The following CDK14 variants were observed in gnomAD, a reference collection of about 807,000 sequenced individuals.
The protein encoded by CDK14 is cyclin-dependent kinase 14.
In CDK14, 34 loss-of-function variants were observed where a neutral mutation model predicts 60.7. That is an observed-to-expected ratio of 0.56 (90% CI 0.43 to 0.75). CDK14 has a LOEUF of 0.75. CDK14 is among the 30% of genes least tolerant of loss of function. The probability of loss-of-function intolerance (pLI) is 0.00; values close to 1 mark genes in which losing one functional copy is unlikely to be tolerated. For missense variants in CDK14, 482 were observed against 564.1 expected, an observed-to-expected ratio of 0.85 and a Z score of 1.47; for synonymous variants, 197 against 203.7, an observed-to-expected ratio of 0.97 and a Z score of 0.28.
chr7:90,727,810 G>T (rs1022976340), intron 3 of CDK14, among the ~76,000 whole-genome samples: 3 of 151,970 alleles, frequency 2.0e-5, no homozygotes, highest in Non-Finnish European at 2.9e-5. Context: ...AATATAGATT[G>T]GTTAACCTCT....
intron 5 of CDK14, among the ~76,000 whole-genome samples, chr7:90,815,108 T>G (rs1789296564): frequency 6.6e-6 from 1 of 152,222 alleles, no homozygotes; most frequent in Non-Finnish European, 1.5e-5. Context: ...ACATTGTACT[T>G]TATGATACAG....
intron 6 of CDK14, among the ~76,000 whole-genome samples, chr7:90,896,106 A>G (rs988185506): frequency 1.3e-5 from 2 of 149,754 alleles, no homozygotes; most frequent in Non-Finnish European, 3.0e-5. Flanking sequence ...CTCTAGCTTT[A>G]CTTTATTGGT....
chr7:90,690,829 A>G (rs1801537550), intron 2 of CDK14, among the ~76,000 whole-genome samples: 1 of 152,186 alleles, frequency 6.6e-6, no homozygotes. Context: ...TTTTTGTATC[A>G]TGATATGTAA....
intron 2 of CDK14, among the ~76,000 whole-genome samples, chr7:90,701,453 A>C (rs937350558): frequency 6.6e-6 from 1 of 152,150 alleles, no homozygotes; most frequent in Non-Finnish European, 1.5e-5. Context: ...ATTTAGTACA[A>C]ATTTTTATAT....
intron 6 of CDK14, among the ~76,000 whole-genome samples, chr7:90,882,512 C>T (rs1374266990): frequency 6.6e-6 from 1 of 152,132 alleles, no homozygotes; most frequent in African/African-American, 2.4e-5. Flanking sequence ...CTTTAACACC[C>T]ATTGTCAATA....
chr7:90,719,569 A>G (rs533400362), intron 2 of CDK14, among the ~76,000 whole-genome samples: 2 of 152,296 alleles, frequency 1.3e-5, no homozygotes, highest in East Asian at 3.9e-4. Flanking sequence ...AATTTCTAAC[A>G]ATTTTTACTC....
At chr7:90,732,576 T>A (rs866077434) in intron 3 of CDK14, among the ~76,000 whole-genome samples, 1 of 152,222 alleles carries the variant, frequency 6.6e-6, no homozygotes, top group Non-Finnish European at 1.5e-5. Flanking sequence ...TAGGAGGGTG[T>A]ATGTGTCCAG....
rs567109268 is a variant in CDK14, at chr7:90,735,978, G to A, written c.369+9166G>A. 1.7e-4 allele frequency among the ~76,000 whole-genome samples: 26 copies of A among 152,332 alleles called. No individual in the cohort carries two copies. The South Asian group carries it at 5.2e-3, about 30-fold the overall frequency. ...CCTAGGCACCGGCGGGAATCTCCTGGTCTTCCGGTTGCAAACACTGTGGTA... is the reference window on the plus strand; with the variant it reads ...CCTAGGCACCGGCGGGAATCTCCTGATCTTCCGGTTGCAAACACTGTGGTA... On this transcript the variant is annotated intron_variant, in intron 3 of 14. Transcript: ENST00000380050.
At chr7:91,172,879 T>C (rs1435362870) in intron 14 of CDK14, among the ~76,000 whole-genome samples, 1 of 152,236 alleles carries the variant, frequency 6.6e-6, no homozygotes, top group African/African-American at 2.4e-5. Flanking sequence ...ATTAATTATA[T>C]GTCTCCCCCA....
At chr7:90,986,103 A>G (rs1298398983) in intron 10 of CDK14, among the ~76,000 whole-genome samples, 1 of 152,054 alleles carries the variant, frequency 6.6e-6, no homozygotes, top group Non-Finnish European at 1.5e-5. Flanking sequence ...TTCTTTTGGA[A>G]CCAGCTATTT....
chr7:90,761,412 C>T (rs1226587361), intron 4 of CDK14, among the ~76,000 whole-genome samples: 1 of 151,690 alleles, frequency 6.6e-6, no homozygotes. Context: ...ACTCCTAAAA[C>T]CCCTCTCCCA....
intron 11 of CDK14, among the ~76,000 whole-genome samples, chr7:91,057,814 T>C (rs1303167699): frequency 2.0e-5 from 3 of 152,204 alleles, no homozygotes; most frequent in South Asian, 2.1e-4. Context: ...TGTAGCCTTG[T>C]AGTATAGTTT....
At chr7:91,175,538 A>G (rs1801706536) in intron 14 of CDK14, among the ~76,000 whole-genome samples, 2 of 152,286 alleles carry the variant, frequency 1.3e-5, no homozygotes, top group South Asian at 4.1e-4. Context: ...GTCAAGACCC[A>G]TCAGTGTGCT....
chr7:90,832,826 T>C (rs1016532394), intron 5 of CDK14, among the ~76,000 whole-genome samples: 9 of 152,334 alleles, frequency 5.9e-5, no homozygotes, highest in African/African-American at 2.2e-4. Context: ...TTGAAGAAGT[T>C]CTTATAGAGG....
intron 2 of CDK14, among the ~76,000 whole-genome samples, chr7:90,618,018 G>A (rs1799689138): frequency 6.6e-6 from 1 of 152,194 alleles, no homozygotes; most frequent in Admixed American, 6.5e-5. Context: ...ACTGAGCAAG[G>A]CAAATGGTTA....
In CDK14 at chr7:90,597,833, GTT is replaced by G. The variant is rs11351927; in HGVS notation, c.91+1131_91+1132del. On this transcript the variant is annotated intron_variant, in intron 1 of 14. Transcript: ENST00000380050. The stretch of plus-strand genomic sequence containing the variant: ...GTACAATGGATCGAAATTTAGCCAA[GTT>G]TTTTTTTTTTTTTTTGTCTTTCGAC... Among the ~76,000 whole-genome samples, 604 of 138,598 alleles carry G rather than the reference GTT, an allele frequency of 4.4e-3. 2 individuals carry two copies. The highest frequency in any genetic ancestry group is 0.01 in the African/African-American group (375 of 37,478). The allele number at this position is 138,598 out of a possible 152,430, so 90.9% of individuals were successfully genotyped here. A position where few individuals can be genotyped will look rare whatever the true frequency, so the allele number is the denominator to read the frequency against.
At chr7:90,743,007 A>G (rs1803416547) in intron 3 of CDK14, among the ~76,000 whole-genome samples, 1 of 152,122 alleles carries the variant, frequency 6.6e-6, no homozygotes, top group Admixed American at 6.5e-5. Context: ...TATAGCTTAT[A>G]TGCATAGCCT....
chr7:91,065,407 T>C (rs956529860), intron 11 of CDK14, among the ~76,000 whole-genome samples: 2 of 152,252 alleles, frequency 1.3e-5, no homozygotes, highest in African/African-American at 2.4e-5. Flanking sequence ...ATACATATTA[T>C]TCTAAAATGC....
At chr7:91,034,684 C>T (rs1441105094) in intron 10 of CDK14, among the ~76,000 whole-genome samples, 1 of 152,108 alleles carries the variant, frequency 6.6e-6, no homozygotes, top group Non-Finnish European at 1.5e-5. Flanking sequence ...CTGTCTTTAC[C>T]AGGTAGAGTT....
Sources: gnomAD v4.1 joint callset for allele counts (sites outside exome capture counted in the v4.1 genomes callset) on GRCh38, gnomAD v4.1.1 for gene constraint, MANE v1.5 for transcripts, NCBI Gene and HGNC (gene_info 2026-07-23, HGNC 2026-07-21) for gene names.